The following GALNT18 variants were observed in gnomAD, a reference collection of about 807,000 sequenced individuals.
GALNT18 encodes the protein GalNAc-transferase 18.
GALNT18 carries 44 observed loss-of-function variants against 69.5 expected under a neutral mutation model. The ratio of observed to expected loss-of-function variants is 0.63; its 90% CI spans 0.50 to 0.81. The LOEUF is 0.81. Among genes scored for constraint, GALNT18 ranks in the 40% least tolerant of loss-of-function variants. The probability of loss-of-function intolerance (pLI) is 0.00; values close to 1 mark genes in which losing one functional copy is unlikely to be tolerated. For missense variants in GALNT18, 715 were observed against 810.0 expected, an observed-to-expected ratio of 0.88 and a Z score of 1.42; for synonymous variants, 364 against 318.2, an observed-to-expected ratio of 1.14 and a Z score of -1.53.
chr11:11,275,218 CTT>C (rs1380321733), intron 10 of GALNT18, among the ~76,000 whole-genome samples: 2 of 152,230 alleles, frequency 1.3e-5, no homozygotes, highest in Admixed American at 6.5e-5. Context: ...TGTTTCCTGA[CTT>C]TTTAATGATC....
At chr11:11,313,493 C>T (rs769303624) in intron 9 of GALNT18, among the ~76,000 whole-genome samples, 1 of 152,318 alleles carries the variant, frequency 6.6e-6, no homozygotes, top group Non-Finnish European at 1.5e-5. Flanking sequence ...CCCATATTCT[C>T]ATTGCAACCT....
intron 6 of GALNT18, among the ~76,000 whole-genome samples, chr11:11,354,146 TG>T (rs1850477841): frequency 6.6e-6 from 1 of 152,250 alleles, no homozygotes; most frequent in Non-Finnish European, 1.5e-5. Flanking sequence ...GACATCAGAA[TG>T]AATCGTCAGC....
rs549668461 is a variant in GALNT18 at position 11,521,415 on chromosome 11, C to T, written c.236-72479G>A. On this transcript the variant is annotated intron_variant, in intron 1 of 10. Transcript: ENST00000227756. ...GCCACCAGCTAGACTCACTCCTCAT[C>T]CCTCATCCTTTAATCCAAGTCAGTG... 3.3e-5 allele frequency among the ~76,000 whole-genome samples: 5 copies of T among 152,256 alleles called. No homozygotes were observed. The South Asian group carries it at 1.0e-3, about 32-fold the overall frequency.
At chr11:11,615,049 C>G (rs1860011768) in intron 1 of GALNT18, among the ~76,000 whole-genome samples, 1 of 152,220 alleles carries the variant, frequency 6.6e-6, no homozygotes, top group Admixed American at 6.5e-5. Context: ...AAATGTCAAT[C>G]ACTGTTACTA....
rs1855485025 is a variant in GALNT18 at position 11,439,321 on chromosome 11, T to C, written c.429-6534A>G. On this transcript the variant is annotated intron_variant, in intron 2 of 10. Coordinates refer to ENST00000227756, the MANE Select transcript of GALNT18 (RefSeq NM_198516.3). This position sits in a 1 kb window ranked among gnomAD's most constrained non-coding sequence, Gnocchi z 4.4. Reference sequence around the variant, plus strand: ...GGATGTCTTGAACCACGCTGCCTCCTCCAGAGCCTGCCTGTGTGGCTTCTC... The same window carrying C: ...GGATGTCTTGAACCACGCTGCCTCCCCCAGAGCCTGCCTGTGTGGCTTCTC... Among the ~76,000 whole-genome samples, 1 of 152,162 alleles carries C rather than the reference T, an allele frequency of 6.6e-6. No homozygotes were observed. The highest frequency in any genetic ancestry group is 2.4e-5 in the African/African-American group (1 of 41,438).
chr11:11,271,061 AAAC>A lies in GALNT18; in HGVS notation c.*80_*82del, dbSNP rs1261077068. 1 of 1,374,392 alleles carries A rather than the reference AAAC, an allele frequency of 7.3e-7. No individual in the cohort carries two copies. Among genetic ancestry groups the A allele is most frequent in the East Asian group, 2.3e-5 (1 of 42,722 alleles). The allele number at this position is 1,374,392 out of a possible 1,614,324, so 85.1% of individuals were successfully genotyped here. On this transcript the variant is annotated 3_prime_UTR_variant, in exon 11 of 11. Transcript: ENST00000227756. The stretch of plus-strand genomic sequence containing the variant: ...CCACTAACCTGGTTCCCCAGACTCC[AAAC>A]AACCCCACGTGGACAGCAGGCAACG...
rs1859111882 is a variant in GALNT18 at position 11,582,588 on chromosome 11, T to A, written c.235+38771A>T. Among the ~76,000 whole-genome samples, 1 of 152,332 alleles carries A rather than the reference T, an allele frequency of 6.6e-6. No individual in the cohort carries two copies. Among genetic ancestry groups the A allele is most frequent in the East Asian group, 1.9e-4 (1 of 5,188 alleles). ...GCCACAAGATGGAAACAATAGCTGCTCCCTCAGCCCAGTTCCTGGATTGTA... is the reference window on the plus strand; with the variant it reads ...GCCACAAGATGGAAACAATAGCTGCACCCTCAGCCCAGTTCCTGGATTGTA... On this transcript the variant is annotated intron_variant, in intron 1 of 10. Coordinates refer to ENST00000227756, the MANE Select transcript of GALNT18 (RefSeq NM_198516.3). This position sits in a 1 kb window ranked among gnomAD's most constrained non-coding sequence, Gnocchi z 5.0.
At chr11:11,313,053 G>C (rs1241427612) in intron 9 of GALNT18, among the ~76,000 whole-genome samples, 1 of 152,208 alleles carries the variant, frequency 6.6e-6, no homozygotes, top group Non-Finnish European at 1.5e-5. Context: ...CCTTAGATAG[G>C]ATGGTCAGGA....
chr11:11,360,257 C>G (rs552615056), intron 6 of GALNT18, among the ~76,000 whole-genome samples: 1 of 152,354 alleles, frequency 6.6e-6, no homozygotes, highest in Non-Finnish European at 1.5e-5. Context: ...TCTGCCTCAA[C>G]GGCACCTCCT....
intron 1 of GALNT18, among the ~76,000 whole-genome samples, chr11:11,539,202 G>A (rs1565001192): frequency 6.6e-6 from 1 of 152,210 alleles, no homozygotes; most frequent in Non-Finnish European, 1.5e-5. Context: ...CCTCTCAAGG[G>A]CCCGGTGCCA....
chr11:11,380,917 T>A (rs917854996), intron 3 of GALNT18, among the ~76,000 whole-genome samples: 2 of 152,250 alleles, frequency 1.3e-5, no homozygotes, highest in Admixed American at 6.5e-5. Context: ...CAAGTGATCC[T>A]TTTAAACAGT....
At chr11:11,609,835 C>T (rs1284762533) in intron 1 of GALNT18, among the ~76,000 whole-genome samples, 1 of 152,166 alleles carries the variant, frequency 6.6e-6, no homozygotes, top group Admixed American at 6.5e-5. Context: ...ATGGGAAGTT[C>T]CTGGAAGGGC....
intron 6 of GALNT18, among the ~76,000 whole-genome samples, chr11:11,353,689 C>G (rs1157183645): frequency 6.6e-6 from 1 of 152,150 alleles, no homozygotes; most frequent in Non-Finnish European, 1.5e-5. Context: ...AATTGGCCGT[C>G]CATACCAGAT....
rs539201083 is a variant in GALNT18 at position 11,377,073 on chromosome 11, C to A, written c.977+109G>T. On this transcript the variant is annotated intron_variant, in intron 5 of 10. Coordinates refer to ENST00000227756, the MANE Select transcript of GALNT18 (RefSeq NM_198516.3). The surrounding 1 kb of genome is among the most constrained non-coding windows in gnomAD (Gnocchi z 4.6). ...CAGTTCCTTTCGACCCTGCCCACCC[C>A]TGTCATCCCCACGATGGGGCTCAAG... is the stretch of plus-strand genomic sequence containing the variant. 2.1e-4 allele frequency: 212 copies of A among 1,033,476 alleles called. No individual in the cohort carries two copies. The African/African-American group carries it at 2.9e-3, about 14-fold the overall frequency. The allele number at this position is 1,033,476 out of a possible 1,614,324, so 64.0% of individuals were successfully genotyped here.
At chr11:11,460,802 A>T (rs933720291) in intron 1 of GALNT18, among the ~76,000 whole-genome samples, 1 of 152,162 alleles carries the variant, frequency 6.6e-6, no homozygotes, top group Non-Finnish European at 1.5e-5. Context: ...CTAAAGCTGC[A>T]GTTCTATTGT....
intron 9 of GALNT18, among the ~76,000 whole-genome samples, chr11:11,294,144 A>G (rs1329348091): frequency 6.6e-6 from 1 of 150,894 alleles, no homozygotes; most frequent in Admixed American, 6.6e-5. Flanking sequence ...ACCCAAAAGG[A>G]AAAAGGAGAA....
At chr11:11,344,842 G>A (rs978437520) in intron 6 of GALNT18, among the ~76,000 whole-genome samples, 12 of 152,146 alleles carry the variant, frequency 7.9e-5, no homozygotes, top group Non-Finnish European at 1.2e-4. Flanking sequence ...CCGAGTGCTT[G>A]TGGAGTGGTG....
chr11:11,386,350 T>C (rs919697133), intron 3 of GALNT18, among the ~76,000 whole-genome samples: 1 of 152,172 alleles, frequency 6.6e-6, no homozygotes, highest in Non-Finnish European at 1.5e-5. Context: ...TCATCAGTTT[T>C]CTAGGATCAT....
chr11:11,287,380 A>C (rs1263346128), intron 10 of GALNT18, among the ~76,000 whole-genome samples: 1 of 152,206 alleles, frequency 6.6e-6, no homozygotes, highest in Non-Finnish European at 1.5e-5. Flanking sequence ...AACCATTCAA[A>C]GGAATGATGG....
Sources: allele counts gnomAD v4.1 joint callset (sites outside exome capture counted in the v4.1 genomes callset), GRCh38; gene constraint gnomAD v4.1.1; non-coding constraint Gnocchi (gnomAD v3.1); transcripts MANE v1.5; gene names NCBI Gene and HGNC (gene_info 2026-07-23, HGNC 2026-07-21).